CFAP20DC: variants seen among roughly 807,000 people sequenced by gnomAD.
The protein encoded by CFAP20DC is CFAP20 domain containing, also known as protein CFAP20DC.
In CFAP20DC, 84 loss-of-function variants were observed where a neutral mutation model predicts 101.7. The ratio of observed to expected loss-of-function variants is 0.83; its 90% CI spans 0.69 to 0.99. The LOEUF (loss-of-function observed/expected upper bound fraction) is 0.99, where lower values mean the gene tolerates loss of function less well. Ranked by LOEUF, CFAP20DC falls within the 50% of genes least tolerant of loss-of-function variation. The pLI is 0.00. For missense variants in CFAP20DC, 1,007 were observed against 970.3 expected (o/e 1.04, Z -0.50); for synonymous variants, 359 against 351.2 (o/e 1.02, Z -0.25).
Position 58,742,247 on chromosome 3 carries a change from T to G in CFAP20DC, c.*213A>C. 9.0e-7 allele frequency: 1 copy of G among 1,111,400 alleles called. No individual in the cohort carries two copies. The highest frequency in any genetic ancestry group is 1.1e-6 in the Non-Finnish European group (1 of 905,358). 68.8% of individuals were successfully genotyped at this position (1,111,400 alleles called of 1,614,324 possible). A position where few individuals can be genotyped will look rare whatever the true frequency, so the allele number is the denominator to read the frequency against. ...TCAAACTCCTAAAATCTTGCCTCTG[T>G]ATTAATTTCTTCAGTTTCAAAATCA... On this transcript the variant is annotated 3_prime_UTR_variant, in exon 17 of 17. Coordinates refer to ENST00000482387, the MANE Select transcript of CFAP20DC (RefSeq NM_001394063.1).
At chr3:58,764,536 C>A (rs2070074960) in intron 15 of CFAP20DC, among the ~76,000 whole-genome samples, 1 of 152,162 alleles carries the variant, frequency 6.6e-6, no homozygotes, top group Non-Finnish European at 1.5e-5. Flanking sequence ...GTACTGCACC[C>A]ACTGTCCGAT....
At chr3:58,936,107 G>A (rs1298260558) in intron 5 of CFAP20DC, among the ~76,000 whole-genome samples, 9 of 151,880 alleles carry the variant, frequency 5.9e-5, no homozygotes, top group Non-Finnish European at 1.0e-4. Flanking sequence ...TCAAAAAGTG[G>A]GCGAAGGACA....
chr3:58,939,452 T>C (rs569009709), intron 4 of CFAP20DC, among the ~76,000 whole-genome samples: 1 of 152,254 alleles, frequency 6.6e-6, no homozygotes, highest in East Asian at 1.9e-4. Flanking sequence ...TTTTTTAAAA[T>C]TTTATTTTTA....
At position 58,732,557 on chromosome 3, in the gene CFAP20DC, T is replaced by C. The variant is rs765625832; in HGVS notation, c.198-14929A>G. 1.2e-4 allele frequency among the ~76,000 whole-genome samples: 18 copies of C among 152,302 alleles called. No individual in the cohort carries two copies. The highest frequency in any genetic ancestry group is 1.7e-4 in the African/African-American group (7 of 41,556). On this transcript the variant is annotated intron_variant, in intron 3 of 3. Coordinates refer to the CFAP20DC transcript ENST00000486145. The surrounding 1 kb of genome is among the most constrained non-coding windows in gnomAD (Gnocchi z 5.4). ...GTGCACACTATTTTAGAGGCTGACA[T>C]GTACAGTTCTTTTTCCAGCTCAGTA...
chr3:59,004,037 A>G (rs2093374780), intron 4 of CFAP20DC, among the ~76,000 whole-genome samples: 1 of 152,178 alleles, frequency 6.6e-6, no homozygotes, highest in Admixed American at 6.5e-5. Flanking sequence ...GTTACAGGAC[A>G]GGGCTTTTAC....
intron 5 of CFAP20DC, among the ~76,000 whole-genome samples, chr3:58,935,988 C>T (rs2087529518): frequency 6.6e-6 from 1 of 151,830 alleles, no homozygotes; most frequent in South Asian, 2.1e-4. Flanking sequence ...GAACAGGCAA[C>T]CTACAAAATG....
At position 58,861,664 on chromosome 3, in the gene CFAP20DC, AGCAAACCCCAAAGCTTGATAATGTGGCAG is replaced by A. The variant is rs2079259362; in HGVS notation, c.1593+1865_1593+1893del. 1 of 985,290 alleles carries A rather than the reference AGCAAACCCCAAAGCTTGATAATGTGGCAG, an allele frequency of 1.0e-6. No individual in the cohort carries two copies. Among genetic ancestry groups the A allele is most frequent in the African/African-American group, 1.7e-5 (1 of 57,228 alleles). 61.0% of individuals were successfully genotyped at this position (985,290 alleles called of 1,614,324 possible). On this transcript the variant is annotated intron_variant, in intron 12 of 16. Coordinates refer to ENST00000482387, the MANE Select transcript of CFAP20DC (RefSeq NM_001394063.1). This position sits in a 1 kb window ranked among gnomAD's most constrained non-coding sequence, Gnocchi z 4.0. ...CTTGTATCTCGTTAGTCTCTGTACC[AGCAAACCCCAAAGCTTGATAATGTGGCAG>A]GTGTTTCCCCTCTCTCTGGCTGCCA...
intron 4 of CFAP20DC, among the ~76,000 whole-genome samples, chr3:59,038,582 A>C (rs1488326010): frequency 1.3e-5 from 2 of 152,174 alleles, no homozygotes; most frequent in African/African-American, 4.8e-5. Context: ...GCATGTGCTC[A>C]CTTTGTGTCT....
chr3:58,870,197 C>T lies in CFAP20DC; in HGVS notation c.828G>A (p.Arg276=), dbSNP rs1257346841. The stretch of plus-strand genomic sequence containing the variant: ...CCTCGCTGGATATCTTCATGTTATT[C>T]CTTCTGCCAGAGAGTGGAGGTGGCC... ...VLGPPPLSGR[R]NNMKISSETV... Residue 276 remains arginine (R), a synonymous_variant, in exon 8 of 17, where the codon AGG becomes AGA. Coordinates refer to ENST00000482387, the MANE Select transcript of CFAP20DC (RefSeq NM_001394063.1). 6.2e-7 allele frequency: 1 copy of T among 1,611,032 alleles called. No individual in the cohort carries two copies. The highest frequency in any genetic ancestry group is 1.7e-5 in the Admixed American group (1 of 59,900).
rs1403794034 is a variant in CFAP20DC at position 58,754,129 on chromosome 3, A to G, written c.2238-266T>C. On this transcript the variant is annotated intron_variant, in intron 15 of 16. Transcript: ENST00000482387. ...TTTATTATTGTTGTTATTAAATTAC[A>G]GCAGAGTTCTTTTCACATAAGAAAT... Among the ~76,000 whole-genome samples the G allele has an allele frequency of 3.9e-5, 6 of 152,220 alleles. No homozygotes were observed. The East Asian group carries it at 1.2e-3, about 29-fold the overall frequency.
intron 4 of CFAP20DC, among the ~76,000 whole-genome samples, chr3:59,029,059 T>C (rs974771005): frequency 3.9e-5 from 6 of 152,314 alleles, no homozygotes; most frequent in African/African-American, 1.4e-4. Context: ...ATAACATTCA[T>C]CAAGATATAT....
At chr3:58,965,324 A>T (rs540162218) in intron 4 of CFAP20DC, among the ~76,000 whole-genome samples, 1 of 152,374 alleles carries the variant, frequency 6.6e-6, no homozygotes, top group South Asian at 2.1e-4. Context: ...AATCTAAAAT[A>T]ATAAAATGAT....
At chr3:58,842,211 C>G (rs1263709681) in intron 13 of CFAP20DC, among the ~76,000 whole-genome samples, 1 of 151,916 alleles carries the variant, frequency 6.6e-6, no homozygotes, top group South Asian at 2.1e-4. Context: ...CCAGCGTGAG[C>G]GACGCAGAAG....
At chr3:58,961,642 C>T (rs2091144617) in intron 4 of CFAP20DC, among the ~76,000 whole-genome samples, 1 of 151,898 alleles carries the variant, frequency 6.6e-6, no homozygotes, top group African/African-American at 2.4e-5. Context: ...AGCAAAGTAA[C>T]CTGGGCTAGA....
intron 4 of CFAP20DC, among the ~76,000 whole-genome samples, chr3:59,033,637 G>C (rs1005814660): frequency 6.6e-6 from 1 of 151,966 alleles, no homozygotes; most frequent in African/African-American, 2.4e-5. Context: ...AAAGGGTGAA[G>C]ACAAAATTAG....
At chr3:58,794,516 A>G (rs2073094055) in intron 15 of CFAP20DC, among the ~76,000 whole-genome samples, 1 of 152,222 alleles carries the variant, frequency 6.6e-6, no homozygotes, top group Non-Finnish European at 1.5e-5. Context: ...CATAATATGA[A>G]GCTGTGAATG....
At chr3:58,797,888 C>G (rs1003259338) in intron 15 of CFAP20DC, among the ~76,000 whole-genome samples, 5 of 152,120 alleles carry the variant, frequency 3.3e-5, no homozygotes, top group Non-Finnish European at 7.3e-5. Flanking sequence ...AAAGGACCAA[C>G]AAAGCCTGGA....
At chr3:58,717,245 TGAA>T, downstream of CFAP20DC, 1 of 176,346 alleles carries the variant, frequency 5.7e-6, no homozygotes, top group Non-Finnish European at 1.2e-5. The surrounding 1 kb of genome is among the most constrained non-coding windows in gnomAD (Gnocchi z 4.1). Context: ...GGTAGGACGA[TGAA>T]GGTGTATTGC....
chr3:58,810,746 A>G (rs2074546979), intron 14 of CFAP20DC, among the ~76,000 whole-genome samples: 1 of 151,028 alleles, frequency 6.6e-6, no homozygotes, highest in African/African-American at 2.5e-5. Flanking sequence ...TTCAATTAGG[A>G]AAAGAGGAAG....
Sources: gnomAD v4.1 joint callset for allele counts (sites outside exome capture counted in the v4.1 genomes callset) on GRCh38, gnomAD v4.1.1 for gene constraint, Gnocchi (gnomAD v3.1) non-coding constraint, MANE v1.5 for transcripts, NCBI Gene and HGNC (gene_info 2026-07-23, HGNC 2026-07-21) for gene names.